The following EEF2 variants were observed in gnomAD, a reference collection of about 807,000 sequenced individuals.
EEF2 encodes eukaryotic translation elongation factor 2, also known as elongation factor 2.
Under a neutral mutation model 85.3 loss-of-function variants are expected in EEF2, and 21 were observed. The ratio of observed to expected loss-of-function variants is 0.25; its 90% CI spans 0.17 to 0.35. The LOEUF (loss-of-function observed/expected upper bound fraction) is 0.35. EEF2 is among the 10% of genes least tolerant of loss of function. The probability of loss-of-function intolerance (pLI) is 1.00; values close to 1 mark genes in which losing one functional copy is unlikely to be tolerated. For missense variants in EEF2, 825 were observed against 1,225.3 expected, an observed-to-expected ratio of 0.67 and a Z score of 4.88; for synonymous variants, 723 against 508.8, an observed-to-expected ratio of 1.42 and a Z score of -5.67.
Position 3,980,536 on chromosome 19 carries a change from G to C in EEF2, c.1324C>G (p.Leu442Val). The C allele has an allele frequency of 1.2e-6, 2 of 1,614,038 alleles. No homozygotes were observed. Among genetic ancestry groups the C allele is most frequent in the East Asian group, 2.2e-5 (1 of 44,888 alleles). The change falls in exon 9 of 15, where the codon CTC (leucine) becomes GTC (valine). Residue 442 changes from leucine (L) to valine (V), a missense_variant. By Grantham distance (32) the Leu-to-Val change is conservative. Coordinates refer to ENST00000309311, the MANE Select transcript of EEF2 (RefSeq NM_001961.4). ...CACCTCTGGATTGGCTTCAGGTAGA[G>C]GTCCTCCTTCTTCCCAGGGGTATAG... ...PNYTPGKKED[L>V]YLKPIQRTIL...
intron 4 of EEF2, 85 bp from the exon 5 acceptor site, chr19:3,982,509 TCA>T: frequency 6.5e-7 from 1 of 1,529,670 alleles, no homozygotes; most frequent in South Asian, 1.1e-5. Context: ...GGCATGGGCC[TCA>T]GACGCAGGCT....
intron 11 of EEF2, among the ~76,000 whole-genome samples, chr19:3,978,803 C>CCAAA (rs1340787575): frequency 2.7e-5 from 1 of 36,830 alleles, no homozygotes; most frequent in African/African-American, 7.5e-5. Context: ...ACTCTTGTCT[C>CCAAA]AAAAAAAAAA....
In EEF2 at chr19:3,982,906, G is replaced by C. The variant is rs768630429; in HGVS notation, c.513C>G (p.Pro171=). 4.3e-6 allele frequency: 7 copies of C among 1,613,540 alleles called. No homozygotes were observed. The Middle Eastern group carries it at 6.6e-4, about 152-fold the overall frequency. ...GCTGGAAAGTCTGGTAGAGCTCCTC[G>C]GGCTCCAGCTGCAGCTCCAGCAGGG... ...DRALLELQLE[P]EELYQTFQRI... Residue 171 remains proline, a synonymous_variant, in exon 4 of 15, where the codon CCC becomes CCG. Transcript: ENST00000309311.
chr19:3,984,171 C>T lies in EEF2; in HGVS notation c.183G>A (p.Lys61=), dbSNP rs1329933419. ...AGETRFTDTR[K]DEQERCITIK... ...TGGTGATGCAACGCTCCTGCTCGTC[C>T]TTCCGGGTATCAGTGAAGCGTGTCT... Residue 61 remains lysine (K), a synonymous_variant, in exon 2 of 15, where the codon AAG becomes AAA. Transcript: ENST00000309311. 1 of 1,614,058 alleles carries T rather than the reference C, an allele frequency of 6.2e-7. No individual in the cohort carries two copies. The highest frequency in any genetic ancestry group is 2.2e-5 in the East Asian group (1 of 44,884).
At chr19:3,985,306 C>A (rs1455382751) in intron 1 of EEF2, 72 bp downstream of exon 1, 14 of 1,346,996 alleles carry the variant, frequency 1.0e-5, no homozygotes, top group Non-Finnish European at 1.3e-5. Flanking sequence ...CCCAGCGTCC[C>A]AGGCTAGGCA....
At chr19:3,978,220 C>T in intron 11 of EEF2, 48 bp from the exon 12 acceptor site, 1 of 1,412,710 alleles carries the variant, frequency 7.1e-7, no homozygotes, top group Non-Finnish European at 9.3e-7. Flanking sequence ...AAGAGGTGAC[C>T]TTACACACAG....
At chr19:3,985,234 G>T in intron 1 of EEF2, 144 bp downstream of exon 1, 2 of 929,476 alleles carry the variant, frequency 2.2e-6, no homozygotes, top group East Asian at 3.3e-5. Flanking sequence ...GGCGGCGGCC[G>T]CTTCCCCAGC....
At chr19:3,978,497 A>G (rs2039704280) in intron 11 of EEF2, among the ~76,000 whole-genome samples, 1 of 152,216 alleles carries the variant, frequency 6.6e-6, no homozygotes, top group South Asian at 2.1e-4. Context: ...AGAAGACAGC[A>G]GGATGTAACT....
In EEF2 at chr19:3,985,425, C is replaced by A. The variant is rs774095261; in HGVS notation, c.-45G>T. On this transcript the variant is annotated 5_prime_UTR_variant, in exon 1 of 15. Transcript: ENST00000309311. ...TTCTCCCAGGTAGAACCGAAAGAAG[C>A]GAGTCGCGCCGAGGATGGCGGCGAC... 3.0e-5 allele frequency: 44 copies of A among 1,464,854 alleles called. No individual in the cohort carries two copies. Among genetic ancestry groups the A allele is most frequent in the South Asian group, 2.6e-4 (19 of 73,022 alleles). 90.7% of individuals were successfully genotyped at this position (1,464,854 alleles called of 1,614,324 possible).
chr19:3,977,110 G>A lies in EEF2; in HGVS notation c.2383+105C>T. 1.3e-6 allele frequency: 2 copies of A among 1,486,156 alleles called. No individual in the cohort carries two copies. Among genetic ancestry groups the A allele is most frequent in the Non-Finnish European group, 1.8e-6 (2 of 1,104,522 alleles). The allele number at this position is 1,486,156 out of a possible 1,614,324, so 92.1% of individuals were successfully genotyped here. Reference sequence around the variant, plus strand: ...GGACCACCTGCTCCATCCATCACCTGCTCCCATCAGGACGCCTCCTTTAAC... The same window carrying A: ...GGACCACCTGCTCCATCCATCACCTACTCCCATCAGGACGCCTCCTTTAAC... On this transcript the variant is annotated intron_variant, in intron 14 of 14. Coordinates refer to ENST00000309311, the MANE Select transcript of EEF2 (RefSeq NM_001961.4). The surrounding 1 kb of genome is among the most constrained non-coding windows in gnomAD (Gnocchi z 5.4).
chr19:3,981,363 G>C lies in EEF2; in HGVS notation c.987C>G (p.Asp329Glu). 6.2e-7 allele frequency: 1 copy of C among 1,614,206 alleles called. No individual in the cohort carries two copies. Among genetic ancestry groups the C allele is most frequent in the Non-Finnish European group, 8.5e-7 (1 of 1,180,030 alleles). Residue 329 changes from aspartate (D) to glutamate (E), a missense_variant, in exon 7 of 15, where the codon GAC becomes GAG. Transcript: ENST00000309311. ...LDIKLDSEDK[D>E]KEGKPLLKAV... ...CCTTCAGCAGGGGTTTGCCTTCTTT[G>C]TCCTTGTCCTCGCTGTCCAGTTTGA...
At position 3,985,430 on chromosome 19, in the gene EEF2, C is replaced by G. The variant is rs750678552; in HGVS notation, c.-50G>C. On this transcript the variant is annotated 5_prime_UTR_variant, in exon 1 of 15. Coordinates refer to ENST00000309311, the MANE Select transcript of EEF2 (RefSeq NM_001961.4). ...CCAGGTAGAACCGAAAGAAGCGAGT[C>G]GCGCCGAGGATGGCGGCGACGACGG... is the stretch of plus-strand genomic sequence containing the variant. 3.8e-5 allele frequency: 56 copies of G among 1,464,432 alleles called. No homozygotes were observed. In the South Asian group the frequency reaches 5.6e-4, roughly 15 times the overall value. The allele number at this position is 1,464,432 out of a possible 1,614,324, so 90.7% of individuals were successfully genotyped here. A position where few individuals can be genotyped will look rare whatever the true frequency, so the allele number is the denominator to read the frequency against.
chr19:3,983,201 A>C lies in EEF2; in HGVS notation c.309T>G (p.Ile103Met). 6.2e-7 allele frequency: 1 copy of C among 1,613,964 alleles called. No individual in the cohort carries two copies. Among genetic ancestry groups the C allele is most frequent in the Non-Finnish European group, 8.5e-7 (1 of 1,179,974 alleles). Reference sequence around the variant, plus strand: ...AGAAGTCGACATGCCCGGGGGAGTCAATGAGGTTGATGAGGAAGCCGGCAC... The same window carrying C: ...AGAAGTCGACATGCCCGGGGGAGTCCATGAGGTTGATGAGGAAGCCGGCAC... ...KDGAGFLINL[I>M]DSPGHVDFSS... The change falls in exon 3 of 15, where the codon ATT becomes ATG. Residue 103 changes from isoleucine to methionine, a missense_variant. Physicochemically the swap from Ile to Met is conservative, Grantham distance 10. Transcript: ENST00000309311.
rs756014503 is a variant in EEF2 at position 3,983,097 on chromosome 19, A to T, written c.400+13T>A. 1 of 1,612,288 alleles carries T rather than the reference A, an allele frequency of 6.2e-7. No homozygotes were observed. Among genetic ancestry groups the T allele is most frequent in the Non-Finnish European group, 8.5e-7 (1 of 1,178,904 alleles). On this transcript the variant is annotated intron_variant, in intron 3 of 14. Coordinates refer to ENST00000309311, the MANE Select transcript of EEF2 (RefSeq NM_001961.4). ...CGGTTCCAGGCCGTGCCTCAGGGGGACCCACTGCTTACCTGACACGCAGTC... is the reference window on the plus strand; with the variant it reads ...CGGTTCCAGGCCGTGCCTCAGGGGGTCCCACTGCTTACCTGACACGCAGTC...
chr19:3,980,783 T>C (rs970277209), intron 8 of EEF2, 58 bp downstream of exon 8: 3 of 1,592,888 alleles, frequency 1.9e-6, no homozygotes, highest in Admixed American at 1.8e-5. Context: ...ACCCACAACC[T>C]TGGGCAACAG....
chr19:3,983,717 T>TG (rs2039784327), intron 2 of EEF2: 2 of 291,692 alleles, frequency 6.9e-6, no homozygotes, highest in Admixed American at 9.7e-5. Flanking sequence ...AAAAAGCAGT[T>TG]GGGGTCACCG....
rs556357536 is a variant in EEF2, at chr19:3,976,229, T to C, written c.*325A>G. On this transcript the variant is annotated 3_prime_UTR_variant, in exon 15 of 15. Transcript: ENST00000309311. ...TACCCAAATAAACCTCTTAATGCGT[T>C]TGTTAAAATTAGTTTGGACATCTGA... is the stretch of plus-strand genomic sequence containing the variant. 16 of 343,228 alleles carry C rather than the reference T, an allele frequency of 4.7e-5. No homozygotes were observed. Among genetic ancestry groups the C allele is most frequent in the African/African-American group, 3.2e-4 (15 of 46,254 alleles). The allele number at this position is 343,228 out of a possible 1,614,324, so 21.3% of individuals were successfully genotyped here. A position where few individuals can be genotyped will look rare whatever the true frequency, so the allele number is the denominator to read the frequency against.
chr19:3,977,093 T>C lies in EEF2; in HGVS notation c.2383+122A>G. 1 of 1,409,304 alleles carries C rather than the reference T, an allele frequency of 7.1e-7. No individual in the cohort carries two copies. The highest frequency in any genetic ancestry group is 9.5e-7 in the Non-Finnish European group (1 of 1,048,738). 87.3% of individuals were successfully genotyped at this position (1,409,304 alleles called of 1,614,324 possible). A position where few individuals can be genotyped will look rare whatever the true frequency, so the allele number is the denominator to read the frequency against. On this transcript the variant is annotated intron_variant, in intron 14 of 14. Coordinates refer to ENST00000309311, the MANE Select transcript of EEF2 (RefSeq NM_001961.4). The surrounding 1 kb of genome is among the most constrained non-coding windows in gnomAD (Gnocchi z 5.4). Reference sequence around the variant, plus strand: ...ACAAGCTGTCAGAAACTGGACCACCTGCTCCATCCATCACCTGCTCCCATC... The same window carrying C: ...ACAAGCTGTCAGAAACTGGACCACCCGCTCCATCCATCACCTGCTCCCATC...
Position 3,979,486 on chromosome 19 carries a change from C to T in EEF2, c.1606-50G>A, listed in dbSNP as rs534094041. 9.6e-5 allele frequency: 143 copies of T among 1,493,504 alleles called. 1 individual carries two copies. In the South Asian group the frequency reaches 1.5e-3, roughly 15 times the overall value. 92.5% of individuals were successfully genotyped at this position (1,493,504 alleles called of 1,614,324 possible). ...AAAGGGGTAGGCGGCTCGGAACAGG[C>T]GGGACCAGGCTCCCAGCTTCCCTTT... On this transcript the variant is annotated intron_variant, in intron 10 of 14. Transcript: ENST00000309311.
Sources: gnomAD v4.1 joint callset for allele counts (sites outside exome capture counted in the v4.1 genomes callset) on GRCh38, gnomAD v4.1.1 for gene constraint, Gnocchi (gnomAD v3.1) non-coding constraint, MANE v1.5 for transcripts, NCBI Gene and HGNC (gene_info 2026-07-23, HGNC 2026-07-21) for gene names.